Variants in DNAI3 observed in about 807,000 individuals in gnomAD.
DNAI3 encodes the protein WD repeat domain 63.
A neutral mutation model predicts 115.5 loss-of-function variants in DNAI3; 83 were observed. The observed-to-expected ratio is 0.72, with a 90% CI of 0.60 to 0.86. The LOEUF (loss-of-function observed/expected upper bound fraction) is 0.86. Ranked by LOEUF, DNAI3 falls within the 40% of genes least tolerant of loss-of-function variation. The pLI, the probability that DNAI3 is intolerant of heterozygous loss-of-function variation, is 0.00. For missense variants in DNAI3, 1,004 were observed against 1,075.8 expected (o/e 0.93, Z 0.93); for synonymous variants, 320 against 347.0 (o/e 0.92, Z 0.86).
intron 1 of DNAI3, among the ~76,000 whole-genome samples, chr1:85,071,156 T>C (rs1424641979): frequency 6.6e-6 from 1 of 152,226 alleles, no homozygotes; most frequent in Admixed American, 6.5e-5. Context: ...AATAGATGAA[T>C]AAACTGAGAC....
chr1:85,109,981 G>A, intron 15 of DNAI3, 67 bp from the exon 16 acceptor site: 2 of 1,493,220 alleles, frequency 1.3e-6, no homozygotes, highest in Non-Finnish European at 1.9e-6. Context: ...GGAAAGGCAA[G>A]AATAAATTAC....
chr1:85,131,446 A>G (rs74539870), intron 22 of DNAI3, among the ~76,000 whole-genome samples: 1 of 108,226 alleles, frequency 9.2e-6, no homozygotes, highest in Non-Finnish European at 1.9e-5. Context: ...CTCCATCTCA[A>G]AAAAAAAAAA....
chr1:85,103,664 A>G (rs11161529), intron 13 of DNAI3, among the ~76,000 whole-genome samples: 10,763 of 152,022 alleles, frequency 0.071, 547 homozygotes, highest in East Asian at 0.17. Flanking sequence ...AGGTGGGTGG[A>G]TCACTTGAGG....
rs547512788 is a variant in DNAI3, at chr1:85,104,986, A to G, written c.1553+389A>G. ...TTTTACATTTTTATTGTATATTTAT[A>G]AAAAGTGTTTTTATAAACAACTCGG... is the stretch of plus-strand genomic sequence containing the variant. On this transcript the variant is annotated intron_variant, in intron 14 of 22. Transcript: ENST00000294664. Among the ~76,000 whole-genome samples the G allele has an allele frequency of 3.1e-4, 47 of 152,362 alleles. 1 individual carries two copies. Among genetic ancestry groups the G allele is most frequent in the Admixed American group, 2.9e-3 (45 of 15,300 alleles).
chr1:85,087,456 A>AAAAG (rs1460733905), intron 7 of DNAI3, among the ~76,000 whole-genome samples: 43 of 149,894 alleles, frequency 2.9e-4, no homozygotes, highest in African/African-American at 9.6e-4. Context: ...AAAAAAAAAA[A>AAAAG]AAAGAAAGAA....
Position 85,132,662 on chromosome 1 carries a change from C to T in DNAI3, c.2533-193C>T, listed in dbSNP as rs779097649. Among the ~76,000 whole-genome samples the T allele has an allele frequency of 6.0e-4, 91 of 152,114 alleles. 1 individual carries two copies. The highest frequency in any genetic ancestry group is 1.2e-4 in the Non-Finnish European group (8 of 68,006). Reference sequence around the variant, plus strand: ...GAGACAGTGGTTGGGGACCATGTTTCCCCCCACTCCCTCCTTTCCCAGCAC... The same window carrying T: ...GAGACAGTGGTTGGGGACCATGTTTTCCCCCACTCCCTCCTTTCCCAGCAC... On this transcript the variant is annotated intron_variant, in intron 22 of 22. Transcript: ENST00000294664.
In DNAI3 at chr1:85,108,216, A is replaced by G; in HGVS notation, c.1698+39A>G. The G allele has an allele frequency of 2.6e-6, 4 of 1,521,836 alleles. No homozygotes were observed. The African/African-American group carries it at 5.5e-5, about 21-fold the overall frequency. The allele number at this position is 1,521,836 out of a possible 1,614,324, so 94.3% of individuals were successfully genotyped here. A position where few individuals can be genotyped will look rare whatever the true frequency, so the allele number is the denominator to read the frequency against. On this transcript the variant is annotated intron_variant, in intron 15 of 22. Transcript: ENST00000294664. ...GGTTTTTAGTCCATCCTGCTTGCAT[A>G]ATACACTATTTACTTTGCATGCATA...
At chr1:85,068,230 A>C (rs1654157376) in intron 1 of DNAI3, among the ~76,000 whole-genome samples, 1 of 152,126 alleles carries the variant, frequency 6.6e-6, no homozygotes, top group African/African-American at 2.4e-5. Context: ...TCTAGTTTGC[A>C]GTCTAACTTC....
intron 17 of DNAI3, among the ~76,000 whole-genome samples, chr1:85,120,306 C>A (rs1655960250): frequency 6.6e-6 from 1 of 152,132 alleles, no homozygotes; most frequent in South Asian, 2.1e-4. Flanking sequence ...GGGAGTGGAA[C>A]CCTGGAGGGA....
In DNAI3 at chr1:85,128,715, G is replaced by A; in HGVS notation, c.2325G>A (p.Gln775=). ...TTATTTTAAAATTTTCAGCTAAACAGCAATTTATAGCCACAGCTGATTATT... is the reference window on the plus strand; with the variant it reads ...TTATTTTAAAATTTTCAGCTAAACAACAATTTATAGCCACAGCTGATTATT... The part of the protein sequence containing the change: ...YIKPWIFSSK[Q]QFIATADYYG... The change falls in exon 21 of 23, where the codon CAG becomes CAA. Residue 775 remains glutamine, a synonymous_variant. Coordinates refer to ENST00000294664, the MANE Select transcript of DNAI3 (RefSeq NM_145172.5). 6.2e-7 allele frequency: 1 copy of A among 1,601,732 alleles called. No homozygotes were observed. The highest frequency in any genetic ancestry group is 8.5e-7 in the Non-Finnish European group (1 of 1,177,346).
chr1:85,130,234 A>C, intron 22 of DNAI3, 122 bp downstream of exon 22: 4 of 1,405,128 alleles, frequency 2.8e-6, no homozygotes, highest in Non-Finnish European at 3.9e-6. Context: ...TCTTGTTCTC[A>C]TGAGAGTCAA....
chr1:85,081,466 G>T, intron 4 of DNAI3, 51 bp downstream of exon 4: 2 of 1,462,362 alleles, frequency 1.4e-6, no homozygotes, highest in Non-Finnish European at 1.8e-6. Flanking sequence ...GAAGTTCCTG[G>T]TACATAATAA....
intron 14 of DNAI3, among the ~76,000 whole-genome samples, chr1:85,107,351 T>C (rs1233434240): frequency 2.0e-5 from 3 of 152,192 alleles, no homozygotes; most frequent in African/African-American, 4.8e-5. Context: ...AATGTACTGA[T>C]GAGTGGATAC....
intron 22 of DNAI3, among the ~76,000 whole-genome samples, chr1:85,131,228 C>T (rs1265536187): frequency 6.6e-6 from 1 of 151,998 alleles, no homozygotes; most frequent in African/African-American, 2.4e-5. Context: ...AGGCAGATCA[C>T]GAGGTCAGGA....
chr1:85,078,479 C>T (rs1294707244), intron 3 of DNAI3, among the ~76,000 whole-genome samples: 2 of 152,232 alleles, frequency 1.3e-5, no homozygotes, highest in East Asian at 1.9e-4. Context: ...AAGGCCTCCT[C>T]CTCTGCACCA....
At chr1:85,062,606 C>CA (rs1653962189) in intron 1 of DNAI3, 120 bp downstream of exon 1, 1 of 152,164 alleles carries the variant, frequency 6.6e-6, no homozygotes, top group Admixed American at 6.5e-5. Flanking sequence ...GTGAAGACTA[C>CA]AAAAAACACA....
At chr1:85,085,363 G>T (rs1342120584) in intron 6 of DNAI3, among the ~76,000 whole-genome samples, 1 of 152,184 alleles carries the variant, frequency 6.6e-6, no homozygotes, top group Non-Finnish European at 1.5e-5. Flanking sequence ...GGGGAATTGT[G>T]TATGAGTGGT....
intron 7 of DNAI3, 140 bp from the exon 8 acceptor site, chr1:85,089,972 TAAAG>T (rs1019785072): frequency 4.2e-5 from 15 of 359,512 alleles, no homozygotes; most frequent in African/African-American, 2.1e-4. Context: ...TTGTCTAGGA[TAAAG>T]AAAATTCAAT....
intron 1 of DNAI3, among the ~76,000 whole-genome samples, chr1:85,063,770 T>C (rs1344718978): frequency 6.6e-6 from 1 of 152,208 alleles, no homozygotes; most frequent in African/African-American, 2.4e-5. Context: ...GTAGTTGTTC[T>C]GGTTAGAACA....
Sources: allele counts gnomAD v4.1 joint callset (sites outside exome capture counted in the v4.1 genomes callset), GRCh38; gene constraint gnomAD v4.1.1; transcripts MANE v1.5; gene names NCBI Gene and HGNC (gene_info 2026-07-23, HGNC 2026-07-21).